ANOS1: variants seen among roughly 807,000 people sequenced by gnomAD.
ANOS1 encodes anosmin 1.
A neutral mutation model predicts 59.0 loss-of-function variants in ANOS1; 6 were observed. That is an observed-to-expected ratio of 0.10 (90% CI 0.06 to 0.20). The LOEUF (loss-of-function observed/expected upper bound fraction) is 0.20. Among genes scored for constraint, ANOS1 ranks in the 10% least tolerant of loss-of-function variants. The pLI is 1.00. For synonymous variants in ANOS1, 217 were observed against 223.4 expected (o/e 0.97, Z 0.25); for missense variants, 433 against 542.3 (o/e 0.80, Z 2.00).
At chrX:8,609,427 C>T (rs12559047) in intron 3 of ANOS1, among the ~76,000 whole-genome samples, 8,682 of 111,371 alleles carry the variant, frequency 0.078, 281 homozygotes, top group Admixed American at 0.13. Context: ...GTTCACTTTT[C>T]GATGTAAAGA....
intron 2 of ANOS1, among the ~76,000 whole-genome samples, chrX:8,666,316 C>T (rs1932135091): frequency 9.0e-6 from 1 of 111,316 alleles, no homozygotes; most frequent in Non-Finnish European, 1.9e-5. Flanking sequence ...TTAACAAATT[C>T]TAAAGAATAA....
intron 2 of ANOS1, among the ~76,000 whole-genome samples, chrX:8,685,395 C>A (rs1221737341): frequency 9.3e-6 from 1 of 107,686 alleles, no homozygotes; most frequent in Non-Finnish European, 1.9e-5. Context: ...GAAAGTCTTT[C>A]ATGGAAACCA....
chrX:8,552,752 T>A (rs191855362), intron 9 of ANOS1, among the ~76,000 whole-genome samples: 2,946 of 110,500 alleles, frequency 0.027, 108 homozygotes, highest in African/African-American at 0.092. Flanking sequence ...TGTTATTTTT[T>A]AAATATGAAT....
chrX:8,586,566 T>C (rs1326275346), intron 5 of ANOS1, among the ~76,000 whole-genome samples: 2 of 111,859 alleles, frequency 1.8e-5, no homozygotes, highest in Non-Finnish European at 3.8e-5. Context: ...TCCAAAAATC[T>C]TTTGGAGATA....
chrX:8,673,207 TA>T (rs1332759124), intron 2 of ANOS1, among the ~76,000 whole-genome samples: 1 of 110,171 alleles, frequency 9.1e-6, no homozygotes, highest in East Asian at 2.8e-4. Flanking sequence ...ATTATTTTGG[TA>T]AACAGCACTG....
rs1229565346 is a variant in ANOS1 at position 8,532,953 on chromosome X, GC to G, written c.*41del. On this transcript the variant is annotated 3_prime_UTR_variant, in exon 14 of 14. Coordinates refer to ENST00000262648, the MANE Select transcript of ANOS1 (RefSeq NM_000216.4). ...ATGTCTCGTGGCCGAAGTTCAACAA[GC>G]TTACACATCTGTGCAATTTCACAAA... is the stretch of plus-strand genomic sequence containing the variant. 3.7e-5 allele frequency: 33 copies of G among 881,081 alleles called. No homozygotes were observed. In the East Asian group the frequency reaches 9.9e-4, roughly 27 times the overall value. 72.6% of individuals were successfully genotyped at this position (881,081 alleles called of 1,213,427 possible). A position where few individuals can be genotyped will look rare whatever the true frequency, so the allele number is the denominator to read the frequency against.
At chrX:8,598,829 G>C (rs1395768434) in intron 3 of ANOS1, among the ~76,000 whole-genome samples, 1 of 112,306 alleles carries the variant, frequency 8.9e-6, no homozygotes, top group Non-Finnish European at 1.9e-5. Flanking sequence ...CACCTGGAAT[G>C]CCTGTGCATA....
At chrX:8,560,806 A>C (rs1251848675) in intron 8 of ANOS1, among the ~76,000 whole-genome samples, 1 of 112,403 alleles carries the variant, frequency 8.9e-6, no homozygotes, top group Admixed American at 9.4e-5. Context: ...TTAATAATTA[A>C]GACACCAAAA....
At chrX:8,603,307 C>A (rs964900514) in intron 3 of ANOS1, among the ~76,000 whole-genome samples, 2 of 111,385 alleles carry the variant, frequency 1.8e-5, no homozygotes, top group African/African-American at 6.5e-5. Context: ...CATATGTTAA[C>A]GAATAGATAT....
At chrX:8,723,077 TAAATC>T (rs1932886719) in intron 1 of ANOS1, among the ~76,000 whole-genome samples, 3 of 112,270 alleles carry the variant, frequency 2.7e-5, no homozygotes, top group South Asian at 7.4e-4. Flanking sequence ...ATCAAGGACT[TAAATC>T]TAAGACCTGA....
intron 9 of ANOS1, among the ~76,000 whole-genome samples, chrX:8,545,360 G>C (rs906974772): frequency 1.2e-4 from 12 of 100,102 alleles, no homozygotes. Context: ...GAGGGAGGGA[G>C]GGAGGAAGAA....
At chrX:8,545,061 CAAAAAAAA>C (rs759787339) in intron 9 of ANOS1, among the ~76,000 whole-genome samples, 1 of 20,479 alleles carries the variant, frequency 4.9e-5, no homozygotes, top group East Asian at 1.5e-3. Flanking sequence ...AGAGAAACTC[CAAAAAAAA>C]AAAAAAAAAA....
At chrX:8,632,438 C>A (rs1931504384) in intron 2 of ANOS1, among the ~76,000 whole-genome samples, 1 of 111,649 alleles carries the variant, frequency 9.0e-6, no homozygotes, top group South Asian at 3.7e-4. Context: ...TTTTATAGTT[C>A]TTTCATATTT....
chrX:8,680,543 T>A (rs2146886144), intron 2 of ANOS1, among the ~76,000 whole-genome samples: 1 of 111,715 alleles, frequency 9.0e-6, no homozygotes, highest in African/African-American at 3.2e-5. Flanking sequence ...GAGTTGTCGA[T>A]CAGATGATAT....
chrX:8,596,863 T>C (rs1283627388), intron 4 of ANOS1, among the ~76,000 whole-genome samples, 171 bp downstream of exon 4: 1 of 112,095 alleles, frequency 8.9e-6, no homozygotes, highest in Non-Finnish European at 1.9e-5. Context: ...ATATGGCTAA[T>C]CTTTATGGGT....
At position 8,571,909 on chromosome X, in the gene ANOS1, A is replaced by AG. The variant is rs1454162810; in HGVS notation, c.857-1206dup. Among the ~76,000 whole-genome samples, 4 of 111,832 alleles carry AG rather than the reference A, an allele frequency of 3.6e-5. No individual in the cohort carries two copies. The East Asian group carries it at 1.1e-3, about 32-fold the overall frequency. ...ACTTGATATACATGAAGAAGACTGG[A>AG]GAAAAAAAATCCTTGTTTTTATTCT... On this transcript the variant is annotated intron_variant, in intron 6 of 13. Transcript: ENST00000262648.
intron 2 of ANOS1, among the ~76,000 whole-genome samples, chrX:8,662,366 G>A (rs1272810473): frequency 9.0e-6 from 1 of 111,658 alleles, no homozygotes; most frequent in African/African-American, 3.3e-5. Context: ...ATTTTTCACC[G>A]GGTTCTGCGT....
At chrX:8,594,658 G>GTATATATATATATATA (rs767812487) in intron 4 of ANOS1, among the ~76,000 whole-genome samples, 15 of 33,542 alleles carry the variant, frequency 4.5e-4, no homozygotes, top group East Asian at 3.4e-3. Flanking sequence ...ATATATATGT[G>GTATATATATATATATA]TATATATATA....
chrX:8,541,424 A>C (rs1344997194), intron 9 of ANOS1, among the ~76,000 whole-genome samples: 1 of 94,463 alleles, frequency 1.1e-5, no homozygotes, highest in Non-Finnish European at 2.2e-5. Context: ...CCCCCCAAAA[A>C]CAAAAAAACA....
Sources: allele counts gnomAD v4.1 joint callset (sites outside exome capture counted in the v4.1 genomes callset), GRCh38; gene constraint gnomAD v4.1.1; transcripts MANE v1.5; gene names NCBI Gene and HGNC (gene_info 2026-07-23, HGNC 2026-07-21).